The following PIEZO2 variants were observed in gnomAD, a reference collection of about 807,000 sequenced individuals.
PIEZO2 encodes piezo type mechanosensitive ion channel component 2.
Under a neutral mutation model 337.3 loss-of-function variants are expected in PIEZO2, and 172 were observed. The observed-to-expected ratio is 0.51, with a 90% CI of 0.45 to 0.58. PIEZO2 has a LOEUF of 0.58. Ranked by LOEUF, PIEZO2 falls within the 20% of genes least tolerant of loss-of-function variation. PIEZO2 has a pLI of 0.00. For missense variants in PIEZO2, 3,028 were observed against 3,391.3 expected, an observed-to-expected ratio of 0.89 and a Z score of 2.66; for synonymous variants, 1,251 against 1,228.5, an observed-to-expected ratio of 1.02 and a Z score of -0.38.
rs774461625 is a variant in PIEZO2, at chr18:10,945,168, C to T, written c.287-33940G>A. 5.9e-5 allele frequency among the ~76,000 whole-genome samples: 9 copies of T among 152,246 alleles called. No homozygotes were observed. The South Asian group carries it at 1.0e-3, about 18-fold the overall frequency. On this transcript the variant is annotated intron_variant, in intron 3 of 55. Transcript: ENST00000674853. The surrounding 1 kb of genome is among the most constrained non-coding windows in gnomAD (Gnocchi z 4.0). ...GGAAACTACCTGAATCTGAAGAAGA[C>T]GCCCTATGATTTTTAGGTGTTATTT...
intron 17 of PIEZO2, among the ~76,000 whole-genome samples, chr18:10,782,045 C>T (rs972624227): frequency 1.3e-5 from 2 of 149,976 alleles, no homozygotes; most frequent in East Asian, 1.9e-4. Flanking sequence ...AAGGAAAATA[C>T]TCCCATGAGG....
At chr18:10,706,761 G>A (rs1341258087) in intron 40 of PIEZO2, among the ~76,000 whole-genome samples, 1 of 152,182 alleles carries the variant, frequency 6.6e-6, no homozygotes, top group Non-Finnish European at 1.5e-5. Flanking sequence ...GACACATCCA[G>A]CCACGGACGG....
intron 1 of PIEZO2, among the ~76,000 whole-genome samples, chr18:11,075,480 A>G (rs987167107): frequency 3.3e-5 from 5 of 152,328 alleles, no homozygotes; most frequent in Middle Eastern, 3.4e-3. Context: ...ATCGGTTGAA[A>G]CCGTAAATGT....
At chr18:10,845,198 G>GTTTA (rs778162480) in intron 7 of PIEZO2, among the ~76,000 whole-genome samples, 1 of 136,378 alleles carries the variant, frequency 7.3e-6, no homozygotes, top group African/African-American at 2.8e-5. Context: ...GTGTGTGTGT[G>GTTTA]TGTATATATA....
At chr18:10,887,930 C>T (rs186467799) in intron 4 of PIEZO2, among the ~76,000 whole-genome samples, 4 of 152,278 alleles carry the variant, frequency 2.6e-5, no homozygotes, top group African/African-American at 4.8e-5. Context: ...GTCGAATTGG[C>T]GTGCACCAGC....
At chr18:10,849,534 G>C (rs562454691) in intron 7 of PIEZO2, among the ~76,000 whole-genome samples, 22 of 152,230 alleles carry the variant, frequency 1.4e-4, no homozygotes, top group African/African-American at 4.6e-4. Context: ...GCTTTGCTCA[G>C]GGCACCATCT....
At chr18:10,805,682 T>G (rs2039980048) in intron 8 of PIEZO2, among the ~76,000 whole-genome samples, 1 of 152,242 alleles carries the variant, frequency 6.6e-6, no homozygotes, top group South Asian at 2.1e-4. Context: ...ACAACATGAC[T>G]GGGATTCCTT....
Position 10,962,562 on chromosome 18 carries a change from T to G in PIEZO2, c.286+16973A>C, listed in dbSNP as rs2033825922. Among the ~76,000 whole-genome samples the G allele has an allele frequency of 6.6e-6, 1 of 152,178 alleles. No individual in the cohort carries two copies. Among genetic ancestry groups the G allele is most frequent in the African/African-American group, 2.4e-5 (1 of 41,448 alleles). Reference sequence around the variant, plus strand: ...AACAGTCCCATCACTTCAGGTGACTTTATTTCATGTTGCTCTAGACCAGGC... The same window carrying G: ...AACAGTCCCATCACTTCAGGTGACTGTATTTCATGTTGCTCTAGACCAGGC... On this transcript the variant is annotated intron_variant, in intron 3 of 55. Coordinates refer to ENST00000674853, the MANE Select transcript of PIEZO2 (RefSeq NM_001378183.1). This position sits in a 1 kb window ranked among gnomAD's most constrained non-coding sequence, Gnocchi z 4.1.
Position 10,731,189 on chromosome 18 carries a change from A to C in PIEZO2, c.5029+218T>G, listed in dbSNP as rs1459038193. Among the ~76,000 whole-genome samples, 7 of 59,438 alleles carry C rather than the reference A, an allele frequency of 1.2e-4. 1 individual carries two copies. Among genetic ancestry groups the C allele is most frequent in the Non-Finnish European group, 1.5e-4 (5 of 32,696 alleles). 39.0% of individuals were successfully genotyped at this position (59,438 alleles called of 152,430 possible). ...CCTACTTAAAAGATTATATATATAT[A>C]TATATATATATATATATATATATAT... On this transcript the variant is annotated intron_variant, in intron 36 of 55. Coordinates refer to ENST00000674853, the MANE Select transcript of PIEZO2 (RefSeq NM_001378183.1).
intron 3 of PIEZO2, among the ~76,000 whole-genome samples, chr18:10,936,764 T>C (rs1199997692): frequency 6.6e-6 from 1 of 152,208 alleles, no homozygotes; most frequent in African/African-American, 2.4e-5. Flanking sequence ...AAACAAAATA[T>C]TGAAAGCTCA....
At position 11,128,031 on chromosome 18, in the gene PIEZO2, T is replaced by C. The variant is rs973778205; in HGVS notation, c.64+20494A>G. Reference sequence around the variant, plus strand: ...AACACTGGTAGTCCTGGGCATGAACTGTTTAGAGAGTTACACAAAATAAAT... The same window carrying C: ...AACACTGGTAGTCCTGGGCATGAACCGTTTAGAGAGTTACACAAAATAAAT... On this transcript the variant is annotated intron_variant, in intron 1 of 55. Transcript: ENST00000674853. This position sits in a 1 kb window ranked among gnomAD's most constrained non-coding sequence, Gnocchi z 4.1. Among the ~76,000 whole-genome samples the C allele has an allele frequency of 6.6e-6, 1 of 152,096 alleles. No individual in the cohort carries two copies. Among genetic ancestry groups the C allele is most frequent in the African/African-American group, 2.4e-5 (1 of 41,404 alleles).
At chr18:10,714,679 CCT>C in intron 39 of PIEZO2, 83 bp downstream of exon 39, 1 of 1,443,728 alleles carries the variant, frequency 6.9e-7, no homozygotes, top group Non-Finnish European at 9.3e-7. Context: ...TGAACTTTCA[CCT>C]CACACATTCA....
At chr18:10,729,470 C>G (rs1353931864) in intron 36 of PIEZO2, among the ~76,000 whole-genome samples, 1 of 151,886 alleles carries the variant, frequency 6.6e-6, no homozygotes, top group Non-Finnish European at 1.5e-5. Flanking sequence ...ACTAAAAATA[C>G]AAACATTGCT....
chr18:10,774,709 T>A (rs2038726747), intron 18 of PIEZO2, among the ~76,000 whole-genome samples: 1 of 152,210 alleles, frequency 6.6e-6, no homozygotes, highest in Non-Finnish European at 1.5e-5. Flanking sequence ...TTTTTATTCA[T>A]ACTCAAATTA....
intron 7 of PIEZO2, among the ~76,000 whole-genome samples, chr18:10,827,608 A>C (rs1568105099): frequency 6.6e-6 from 1 of 152,212 alleles, no homozygotes; most frequent in East Asian, 1.9e-4. Context: ...AGGCTTACAA[A>C]GACAGTTTTT....
intron 7 of PIEZO2, among the ~76,000 whole-genome samples, chr18:10,812,636 C>A (rs1022197238): frequency 6.6e-6 from 1 of 152,090 alleles, no homozygotes; most frequent in African/African-American, 2.4e-5. Context: ...GTCCAGCGCA[C>A]GGTTCATTCT....
chr18:11,053,948 T>C (rs2660253), intron 2 of PIEZO2, among the ~76,000 whole-genome samples: 52,633 of 151,948 alleles, frequency 0.35, 9,250 homozygotes, highest in South Asian at 0.46. Flanking sequence ...CGCTTGCACC[T>C]GGGAGGTGGA....
At position 10,795,128 on chromosome 18, in the gene PIEZO2, T is replaced by G; in HGVS notation, c.1528-126A>C. ...ATTCAAACCAGGGAGAGTAGAGAGTTGTGGTGGAGTGATGGAGACCCCAAG... is the reference window on the plus strand; with the variant it reads ...ATTCAAACCAGGGAGAGTAGAGAGTGGTGGTGGAGTGATGGAGACCCCAAG... On this transcript the variant is annotated intron_variant, in intron 12 of 55. Coordinates refer to ENST00000674853, the MANE Select transcript of PIEZO2 (RefSeq NM_001378183.1). This position sits in a 1 kb window ranked among gnomAD's most constrained non-coding sequence, Gnocchi z 4.4. The G allele has an allele frequency of 4.8e-6, 4 of 827,564 alleles. No individual in the cohort carries two copies. Among genetic ancestry groups the G allele is most frequent in the Non-Finnish European group, 7.4e-6 (4 of 539,992 alleles). The allele number at this position is 827,564 out of a possible 1,614,324, so 51.3% of individuals were successfully genotyped here. A position where few individuals can be genotyped will look rare whatever the true frequency, so the allele number is the denominator to read the frequency against.
chr18:11,066,524 T>C (rs2038157242), intron 1 of PIEZO2, among the ~76,000 whole-genome samples: 1 of 152,214 alleles, frequency 6.6e-6, no homozygotes, highest in South Asian at 2.1e-4. Flanking sequence ...ATTTAAGGGA[T>C]ACATAGTACA....
Sources: gnomAD v4.1 joint callset for allele counts (sites outside exome capture counted in the v4.1 genomes callset) on GRCh38, gnomAD v4.1.1 for gene constraint, Gnocchi (gnomAD v3.1) non-coding constraint, MANE v1.5 for transcripts, NCBI Gene and HGNC (gene_info 2026-07-23, HGNC 2026-07-21) for gene names.